Variants in HECW1 observed in about 807,000 individuals in gnomAD.
HECW1 encodes HECT, C2 and WW domain containing E3 ubiquitin protein ligase 1.
Under a neutral mutation model 182.3 loss-of-function variants are expected in HECW1, and 61 were observed. The observed-to-expected ratio is 0.33, with a 90% CI of 0.27 to 0.41. The LOEUF (loss-of-function observed/expected upper bound fraction) is 0.41. Among genes scored for constraint, HECW1 ranks in the 10% least tolerant of loss-of-function variants. The probability of loss-of-function intolerance (pLI) is 1.00; values close to 1 mark genes in which losing one functional copy is unlikely to be tolerated. For synonymous variants in HECW1, 859 were observed against 832.6 expected, an observed-to-expected ratio of 1.03 and a Z score of -0.55; for missense variants, 1,739 against 2,108.9, an observed-to-expected ratio of 0.82 and a Z score of 3.44.
intron 6 of HECW1, among the ~76,000 whole-genome samples, chr7:43,388,696 C>A (rs1045437652): frequency 6.6e-6 from 1 of 152,164 alleles, no homozygotes; most frequent in Non-Finnish European, 1.5e-5. Flanking sequence ...AATCTCAGCT[C>A]ACTGAAACCT....
At chr7:43,378,156 G>T (rs1437971135) in intron 6 of HECW1, among the ~76,000 whole-genome samples, 2 of 152,106 alleles carry the variant, frequency 1.3e-5, no homozygotes, top group Non-Finnish European at 2.9e-5. Flanking sequence ...GCTTAAAATT[G>T]TCAACATTAT....
At chr7:43,325,650 T>C (rs1240766126) in intron 5 of HECW1, among the ~76,000 whole-genome samples, 1 of 151,868 alleles carries the variant, frequency 6.6e-6, no homozygotes, top group East Asian at 2.0e-4. Flanking sequence ...AGGCACCGCC[T>C]CCTCACAGCT....
rs530995518 is a variant in HECW1, at chr7:43,146,206, C to T, written c.-32+31815C>T. Among the ~76,000 whole-genome samples, 8 of 152,304 alleles carry T rather than the reference C, an allele frequency of 5.3e-5. No individual in the cohort carries two copies. In the East Asian group the frequency reaches 9.6e-4, roughly 18 times the overall value. ...CTGTGGTATTGGATTTAGGGTTTCTCCACCTTGGCACTATTGACATTCTGG... is the reference window on the plus strand; with the variant it reads ...CTGTGGTATTGGATTTAGGGTTTCTTCACCTTGGCACTATTGACATTCTGG... On this transcript the variant is annotated intron_variant, in intron 2 of 29. Transcript: ENST00000395891.
At chr7:43,314,551 G>A (rs1396420502) in intron 4 of HECW1, among the ~76,000 whole-genome samples, 1 of 152,162 alleles carries the variant, frequency 6.6e-6, no homozygotes, top group Non-Finnish European at 1.5e-5. Context: ...GCCATATCAG[G>A]TATTACGAAA....
chr7:43,177,319 C>CA (rs1010305064), intron 2 of HECW1, among the ~76,000 whole-genome samples: 5 of 152,236 alleles, frequency 3.3e-5, no homozygotes, highest in Admixed American at 2.6e-4. Context: ...TGGGGCCTTC[C>CA]ACAGTGAATC....
At chr7:43,122,045 A>G (rs1286578244) in intron 2 of HECW1, 1 of 152,210 alleles carries the variant, frequency 6.6e-6, no homozygotes, top group Non-Finnish European at 1.5e-5. Context: ...GAAGAGGTGC[A>G]CTCCACAAGG....
In HECW1 at chr7:43,243,882, T is replaced by TG; in HGVS notation, c.-23dup. On this transcript the variant is annotated 5_prime_UTR_variant, in exon 3 of 30. Coordinates refer to ENST00000395891, the MANE Select transcript of HECW1 (RefSeq NM_015052.5). The surrounding 1 kb of genome is among the most constrained non-coding windows in gnomAD (Gnocchi z 4.0). ...CGTTGGACTTTTCCCCAGGAATTGA[T>TG]GCGCGTACACGTGGTGGGTCATTAT... 1 of 1,613,220 alleles carries TG rather than the reference T, an allele frequency of 6.2e-7. No homozygotes were observed.
chr7:43,439,389 G>A (rs1199247085), intron 9 of HECW1: 1 of 152,190 alleles, frequency 6.6e-6, no homozygotes, highest in East Asian at 1.9e-4. Context: ...TCCAAAGTCC[G>A]AGGGCCATCC....
intron 2 of HECW1, among the ~76,000 whole-genome samples, chr7:43,182,889 C>T (rs1393495427): frequency 6.6e-6 from 1 of 151,766 alleles, no homozygotes; most frequent in Admixed American, 6.6e-5. Flanking sequence ...ATGTAGAGAT[C>T]TTTCACTTCC....
At position 43,338,102 on chromosome 7, in the gene HECW1, C is replaced by A. The variant is rs372633298; in HGVS notation, c.460+17360C>A. Among the ~76,000 whole-genome samples the A allele has an allele frequency of 1.4e-4, 22 of 152,304 alleles. No individual in the cohort carries two copies. The East Asian group carries it at 3.5e-3, about 24-fold the overall frequency. ...CTCCACTTAGATTGAAACACAGAGA[C>A]CTACTCCAGTGATCTAGGATTAGGG... On this transcript the variant is annotated intron_variant, in intron 5 of 29. Coordinates refer to ENST00000395891, the MANE Select transcript of HECW1 (RefSeq NM_015052.5).
At chr7:43,546,972 C>T (rs560496872) in intron 26 of HECW1, among the ~76,000 whole-genome samples, 2 of 152,194 alleles carry the variant, frequency 1.3e-5, no homozygotes, top group African/African-American at 2.4e-5. Flanking sequence ...CTGTACAGGC[C>T]GATATCCTTT....
At chr7:43,541,383 G>A in intron 25 of HECW1, 122 bp downstream of exon 25, 1 of 719,458 alleles carries the variant, frequency 1.4e-6, no homozygotes, top group Non-Finnish European at 2.5e-6. Context: ...TTAGGGTTAT[G>A]GTGGCTTCCT....
intron 2 of HECW1, among the ~76,000 whole-genome samples, chr7:43,136,517 A>G (rs1787556163): frequency 6.6e-6 from 1 of 152,174 alleles, no homozygotes; most frequent in Non-Finnish European, 1.5e-5. Flanking sequence ...ACTGCTTAGG[A>G]AGGAGAGCTG....
At chr7:43,473,393 G>C (rs1359943350) in intron 16 of HECW1, among the ~76,000 whole-genome samples, 2 of 152,180 alleles carry the variant, frequency 1.3e-5, no homozygotes, top group African/African-American at 4.8e-5. Flanking sequence ...CCATTCTCCA[G>C]ATGGATCACT....
At chr7:43,245,650 G>A (rs1799315514) in intron 3 of HECW1, 2 of 152,318 alleles carry the variant, frequency 1.3e-5, no homozygotes, top group Admixed American at 6.5e-5. Context: ...GAAACAGAAG[G>A]CCAAGTATTC....
chr7:43,463,705 A>T lies in HECW1; in HGVS notation c.2697A>T (p.Glu899Asp), dbSNP rs1405427112. 6.2e-7 allele frequency: 1 copy of T among 1,614,086 alleles called. No individual in the cohort carries two copies. The highest frequency in any genetic ancestry group is 1.1e-5 in the South Asian group (1 of 91,080). The change falls in exon 14 of 30, where the codon GAA becomes GAT. Residue 899 changes from glutamate (E) to aspartate (D), a missense_variant. Transcript: ENST00000395891. ...QRTIATERSEEDSGSQSCEQA... is the reference protein window; with the variant it reads ...QRTIATERSEDDSGSQSCEQA... ...CCATTGCAACAGAGAGGTCCGAAGA[A>T]GATTCTGGCAGCCAAAGCTGCGAGC... is the stretch of plus-strand genomic sequence containing the variant.
chr7:43,495,777 C>T (rs2079096181), intron 19 of HECW1, among the ~76,000 whole-genome samples: 1 of 152,220 alleles, frequency 6.6e-6, no homozygotes, highest in African/African-American at 2.4e-5. Flanking sequence ...CATTCATGGG[C>T]TGCTCTTTGA....
chr7:43,361,224 G>A (rs113476634), intron 6 of HECW1, among the ~76,000 whole-genome samples: 22 of 152,286 alleles, frequency 1.4e-4, no homozygotes, highest in African/African-American at 5.3e-4. Flanking sequence ...GTGTGTTAGG[G>A]AGGAGCCAAG....
chr7:43,191,964 C>CTT (rs537307469), intron 2 of HECW1, among the ~76,000 whole-genome samples: 15,149 of 145,280 alleles, frequency 0.1, 880 homozygotes, highest in East Asian at 0.15. Context: ...TTGTTTTTTT[C>CTT]TTTTTTTTTT....
Sources: allele counts gnomAD v4.1 joint callset (sites outside exome capture counted in the v4.1 genomes callset), GRCh38; gene constraint gnomAD v4.1.1; non-coding constraint Gnocchi (gnomAD v3.1); transcripts MANE v1.5; gene names NCBI Gene and HGNC (gene_info 2026-07-23, HGNC 2026-07-21).